The following ZMIZ1 variants were observed in gnomAD, a reference collection of about 807,000 sequenced individuals.
ZMIZ1 encodes the protein zinc finger MIZ-type containing 1, also known as zinc finger MIZ domain-containing protein 1.
Under a neutral mutation model 113.9 loss-of-function variants are expected in ZMIZ1, and 17 were observed. That is an observed-to-expected ratio of 0.15 (90% CI 0.10 to 0.22). The LOEUF (loss-of-function observed/expected upper bound fraction) is 0.22, where lower values mean the gene tolerates loss of function less well. Among genes scored for constraint, ZMIZ1 ranks in the 10% least tolerant of loss-of-function variants. ZMIZ1 has a pLI of 1.00. For missense variants in ZMIZ1, 1,059 were observed against 1,477.8 expected, an observed-to-expected ratio of 0.72 and a Z score of 4.65; for synonymous variants, 607 against 603.1, an observed-to-expected ratio of 1.01 and a Z score of -0.09.
intron 1 of ZMIZ1, among the ~76,000 whole-genome samples, chr10:79,094,564 C>G (rs1181124059): frequency 6.6e-6 from 1 of 152,230 alleles, no homozygotes; most frequent in Non-Finnish European, 1.5e-5. Context: ...GTAGATGTAT[C>G]TGTCCGTTGT....
At chr10:79,306,885 C>T (rs1315253694) in intron 22 of ZMIZ1, among the ~76,000 whole-genome samples, 1 of 152,214 alleles carries the variant, frequency 6.6e-6, no homozygotes, top group East Asian at 1.9e-4. Context: ...CCACAGTGTG[C>T]CAAGGGCCAA....
At chr10:79,188,910 C>G (rs1847473008) in intron 4 of ZMIZ1, among the ~76,000 whole-genome samples, 1 of 152,172 alleles carries the variant, frequency 6.6e-6, no homozygotes, top group Admixed American at 6.5e-5. Flanking sequence ...GCAGCTTTCC[C>G]CAACTCATCT....
intron 4 of ZMIZ1, among the ~76,000 whole-genome samples, chr10:79,197,948 C>T (rs1847912762): frequency 6.6e-6 from 1 of 152,106 alleles, no homozygotes; most frequent in African/African-American, 2.4e-5. Context: ...GCCTAGGACC[C>T]CGCACAGTGT....
At chr10:79,170,058 C>T (rs1258030897) in intron 4 of ZMIZ1, among the ~76,000 whole-genome samples, 1 of 152,220 alleles carries the variant, frequency 6.6e-6, no homozygotes, top group Non-Finnish European at 1.5e-5. Context: ...ACACCCAGGC[C>T]ACCTGGGACA....
In ZMIZ1 at chr10:79,145,458, G is replaced by C. The variant is rs556982339; in HGVS notation, c.-131+5681G>C. Among the ~76,000 whole-genome samples the C allele has an allele frequency of 3.3e-5, 5 of 151,754 alleles. 1 individual carries two copies. On this transcript the variant is annotated intron_variant, in intron 3 of 24. Coordinates refer to ENST00000334512, the MANE Select transcript of ZMIZ1 (RefSeq NM_020338.4). Reference sequence around the variant, plus strand: ...CACAGAGTCTAGGGTTGGGGTCTCCGGGTTCAAATCCCACCCCACCCCTTG... The same window carrying C: ...CACAGAGTCTAGGGTTGGGGTCTCCCGGTTCAAATCCCACCCCACCCCTTG...
Position 79,310,904 on chromosome 10 carries a change from C to T in ZMIZ1, c.2836-20C>T, listed in dbSNP as rs1461009490. 1.4e-5 allele frequency: 22 copies of T among 1,607,294 alleles called. No individual in the cohort carries two copies. The highest frequency in any genetic ancestry group is 1.9e-5 in the Non-Finnish European group (22 of 1,175,452). The stretch of plus-strand genomic sequence containing the variant: ...TCCTCACCTCACCTCTCTTCTCTCC[C>T]GCTCTCTCCTCCTCCACAGATGCCA... On this transcript the variant is annotated intron_variant, in intron 23 of 24. Transcript: ENST00000334512.
At chr10:79,108,531 G>A (rs1048575848) in intron 1 of ZMIZ1, among the ~76,000 whole-genome samples, 1 of 152,148 alleles carries the variant, frequency 6.6e-6, no homozygotes, top group African/African-American at 2.4e-5. Context: ...AGGAAGAAAG[G>A]TGGGATGGGG....
At chr10:79,156,176 A>G (rs1349342750) in intron 3 of ZMIZ1, among the ~76,000 whole-genome samples, 1 of 152,182 alleles carries the variant, frequency 6.6e-6, no homozygotes, top group African/African-American at 2.4e-5. Flanking sequence ...GAAATGAACA[A>G]CTTCTAGAAG....
chr10:79,138,136 G>A (rs893164369), intron 2 of ZMIZ1, among the ~76,000 whole-genome samples: 12 of 152,346 alleles, frequency 7.9e-5, no homozygotes, highest in African/African-American at 2.9e-4. Flanking sequence ...AAAGGACAGA[G>A]AGCAGCAGTG....
chr10:79,247,062 T>A (rs1056890369), intron 7 of ZMIZ1, among the ~76,000 whole-genome samples: 2 of 152,184 alleles, frequency 1.3e-5, no homozygotes, highest in African/African-American at 2.4e-5. Context: ...TGTCCTGAGG[T>A]GCCCACTCCC....
chr10:79,123,870 C>A (rs758535786), intron 2 of ZMIZ1, among the ~76,000 whole-genome samples: 5 of 152,190 alleles, frequency 3.3e-5, no homozygotes, highest in Non-Finnish European at 5.9e-5. Context: ...GGGCCCAGCC[C>A]GTGGCCACAC....
intron 4 of ZMIZ1, among the ~76,000 whole-genome samples, chr10:79,176,767 G>T (rs115586418): frequency 0.011 from 1,611 of 152,304 alleles, 42 homozygotes; most frequent in African/African-American, 0.037. Context: ...AACCCCGTTG[G>T]GAATTTGCCA....
At chr10:79,221,050 G>C (rs1403305950) in intron 7 of ZMIZ1, among the ~76,000 whole-genome samples, 1 of 152,174 alleles carries the variant, frequency 6.6e-6, no homozygotes, top group Admixed American at 6.5e-5. Context: ...ATGCCTATCT[G>C]TGTCTGCATG....
At chr10:79,103,477 G>T (rs1229620524) in intron 1 of ZMIZ1, among the ~76,000 whole-genome samples, 2 of 152,062 alleles carry the variant, frequency 1.3e-5, no homozygotes, top group East Asian at 1.9e-4. Context: ...GGTTGAGGGG[G>T]AGCGTCAGAA....
chr10:79,302,192 C>T lies in ZMIZ1; in HGVS notation c.2105C>T (p.Ala702Val). The T allele has an allele frequency of 6.2e-7, 1 of 1,613,790 alleles. No individual in the cohort carries two copies. The highest frequency in any genetic ancestry group is 8.5e-7 in the Non-Finnish European group (1 of 1,180,022). Reference sequence around the variant, plus strand: ...CTCCTCAAGAAGCGCCTCCTGCCCGCAGAGCACTGTATCACGAAAAGTGAG... The same window carrying T: ...CTCCTCAAGAAGCGCCTCCTGCCCGTAGAGCACTGTATCACGAAAAGTGAG... ...QGLLKKRLLPAEHCITKIKRN... is the reference protein window; with the variant it reads ...QGLLKKRLLPVEHCITKIKRN... Residue 702 changes from alanine to valine, a missense_variant, in exon 18 of 25, where the codon GCA becomes GTA. Ala to Val is a moderately conservative substitution (Grantham distance 64). Coordinates refer to ENST00000334512, the MANE Select transcript of ZMIZ1 (RefSeq NM_020338.4).
At position 79,303,997 on chromosome 10, in the gene ZMIZ1, G is replaced by A. The variant is rs781188001; in HGVS notation, c.2126-18G>A. On this transcript the variant is annotated intron_variant, in intron 18 of 24. Coordinates refer to ENST00000334512, the MANE Select transcript of ZMIZ1 (RefSeq NM_020338.4). ...ACTGTCTTGCCATCCTCACCTGTCT[G>A]TGCCTCCTGCCCCGCAGTCAAGCGG... 1.9e-5 allele frequency: 30 copies of A among 1,613,390 alleles called. No individual in the cohort carries two copies. Among genetic ancestry groups the A allele is most frequent in the South Asian group, 9.9e-5 (9 of 91,032 alleles).
intron 4 of ZMIZ1, among the ~76,000 whole-genome samples, chr10:79,179,515 G>C (rs749752632): frequency 8.5e-5 from 13 of 152,236 alleles, no homozygotes; most frequent in Non-Finnish European, 1.8e-4. Flanking sequence ...TGGCAAAGAG[G>C]CCTGCCATCT....
chr10:79,242,786 AG>A (rs1338421617), intron 7 of ZMIZ1, among the ~76,000 whole-genome samples: 1 of 151,554 alleles, frequency 6.6e-6, no homozygotes, highest in African/African-American at 2.4e-5. Flanking sequence ...GGGGAAGGAA[AG>A]GGGCCTCGTC....
chr10:79,210,597 G>C (rs1041478423), intron 6 of ZMIZ1, among the ~76,000 whole-genome samples: 7 of 152,262 alleles, frequency 4.6e-5, no homozygotes, highest in Admixed American at 6.5e-5. Context: ...CTAATGCAAA[G>C]GCCCTGAGGC....
Sources: gnomAD v4.1 joint callset for allele counts (sites outside exome capture counted in the v4.1 genomes callset) on GRCh38, gnomAD v4.1.1 for gene constraint, MANE v1.5 for transcripts, NCBI Gene and HGNC (gene_info 2026-07-23, HGNC 2026-07-21) for gene names.